Variants in PRR36 observed in about 807,000 individuals in gnomAD.
PRR36 encodes proline-rich protein 36.
A neutral mutation model predicts 58.6 loss-of-function variants in PRR36; 30 were observed. That is an observed-to-expected ratio of 0.51 (90% confidence interval 0.38 to 0.69). The LOEUF is 0.69. Among genes scored for constraint, PRR36 ranks in the 30% least tolerant of loss-of-function variants. The probability of loss-of-function intolerance (pLI) is 0.00; values close to 1 mark genes in which losing one functional copy is unlikely to be tolerated. For missense variants in PRR36, 1,692 were observed against 1,805.6 expected (o/e 0.94, Z 1.14); for synonymous variants, 771 against 829.3 (o/e 0.93, Z 1.21).
Position 7,873,533 on chromosome 19 carries a change from C to G in PRR36, c.157G>C (p.Val53Leu). ...ALRVLGAAGAVGRKPLAERAG... is the reference protein window; with the variant it reads ...ALRVLGAAGALGRKPLAERAG... ...CGCTCTGCCAGAGGCTTTCGCCCCACTGCTCCCGCAGCTCCCAGAACTCGG... is the reference window on the plus strand; with the variant it reads ...CGCTCTGCCAGAGGCTTTCGCCCCAGTGCTCCCGCAGCTCCCAGAACTCGG... Residue 53 changes from valine to leucine, a missense_variant, in exon 2 of 6, where the codon GTG (valine) becomes CTG (leucine). By Grantham distance (32) the Val-to-Leu change is conservative (BLOSUM62 1). Coordinates refer to ENST00000618550, the MANE Select transcript of PRR36 (RefSeq NM_001190467.2). The surrounding 1 kb of genome is among the most constrained non-coding windows in gnomAD (Gnocchi z 5.0). The G allele has an allele frequency of 6.5e-7, 1 of 1,535,458 alleles. No individual in the cohort carries two copies. Among genetic ancestry groups the G allele is most frequent in the South Asian group, 1.2e-5 (1 of 84,048 alleles).
In PRR36 at chr19:7,873,172, G is replaced by C; in HGVS notation, c.374+25C>G. On this transcript the variant is annotated intron_variant, in intron 3 of 5. Transcript: ENST00000618550. This position sits in a 1 kb window ranked among gnomAD's most constrained non-coding sequence, Gnocchi z 5.0. ...CTGTGACGCTAACCCTGGCTTAGGA[G>C]ACTGGGGGAGAGGGAGCAGGTTACC... 1.3e-6 allele frequency: 2 copies of C among 1,530,210 alleles called. No individual in the cohort carries two copies. Among genetic ancestry groups the C allele is most frequent in the East Asian group, 2.4e-5 (1 of 40,870 alleles). 94.8% of individuals were successfully genotyped at this position (1,530,210 alleles called of 1,614,324 possible). A position where few individuals can be genotyped will look rare whatever the true frequency, so the allele number is the denominator to read the frequency against.
In PRR36 at chr19:7,869,442, C is replaced by T. The variant is rs1221450246; in HGVS notation, c.3632G>A (p.Gly1211Asp). The change falls in exon 6 of 6, where the codon GGC becomes GAC. Residue 1211 changes from glycine (G) to aspartate (D), a missense_variant. Gly to Asp is a moderately conservative substitution (Grantham distance 94). Coordinates refer to ENST00000618550, the MANE Select transcript of PRR36 (RefSeq NM_001190467.2). ...EGPESATPAP[G>D]ALDPGPSPGT... ...GGGACTGGGCCCCGGATCCAGTGCG[C>T]CAGGGGCGGGGGTCGCCGACTCGGG... The T allele has an allele frequency of 1.3e-6, 2 of 1,501,866 alleles. No individual in the cohort carries two copies. The highest frequency in any genetic ancestry group is 1.5e-5 in the African/African-American group (1 of 68,888). The allele number at this position is 1,501,866 out of a possible 1,614,324, so 93.0% of individuals were successfully genotyped here. A position where few individuals can be genotyped will look rare whatever the true frequency, so the allele number is the denominator to read the frequency against.
Position 7,873,516 on chromosome 19 carries a change from C to T in PRR36, c.174G>A (p.Leu58=), listed in dbSNP as rs1197907247. 9.1e-6 allele frequency: 14 copies of T among 1,535,366 alleles called. No homozygotes were observed. Among genetic ancestry groups the T allele is most frequent in the Non-Finnish European group, 8.7e-6 (10 of 1,146,852 alleles). The part of the protein sequence containing the change: ...GAAGAVGRKP[L]AERAGGIGGA... ...CGCCGATGCCCCCCGCTCGCTCTGCCAGAGGCTTTCGCCCCACTGCTCCCG... is the reference window on the plus strand; with the variant it reads ...CGCCGATGCCCCCCGCTCGCTCTGCTAGAGGCTTTCGCCCCACTGCTCCCG... The change falls in exon 2 of 6, where the codon CTG becomes CTA. Residue 58 remains leucine (L), a synonymous_variant. Transcript: ENST00000618550. This position sits in a 1 kb window ranked among gnomAD's most constrained non-coding sequence, Gnocchi z 5.0.
Position 7,870,970 on chromosome 19 carries a change from CT to C in PRR36, c.2273del (p.Glu758GlyfsTer6). 4 of 1,022,128 alleles carry C rather than the reference CT, an allele frequency of 3.9e-6. No individual in the cohort carries two copies. Among genetic ancestry groups the C allele is most frequent in the East Asian group, 2.8e-5 (1 of 35,246 alleles). 63.3% of individuals were successfully genotyped at this position (1,022,128 alleles called of 1,614,324 possible). The stretch of plus-strand genomic sequence containing the variant: ...GAGGCGGGGCTAGAGAAGGTAGGTT[CT>C]CCAGAGGGGGTGTGGTCAGGGGAGC... ...ASAPLTTPPLENLPSLAPPPL... is the reference protein window; with the variant it reads ...ASAPLTTPPLXNLPSLAPPPL... On this transcript the variant is annotated frameshift_variant, in exon 5 of 6. Coordinates refer to ENST00000618550, the MANE Select transcript of PRR36 (RefSeq NM_001190467.2). LOFTEE classifies it high-confidence loss of function.
In PRR36 at chr19:7,871,223, G is replaced by GGA; in HGVS notation, c.2019_2020dup (p.Pro674LeufsTer7). The GGA allele has an allele frequency of 6.5e-7, 1 of 1,533,824 alleles. No homozygotes were observed. The highest frequency in any genetic ancestry group is 8.7e-7 in the Non-Finnish European group (1 of 1,146,226). ...GGGTGAGCTTAGGGGTGAGACAGCA[G>GGA]GAGAGAGAGAAGTCTGCAGAGGGGG... On this transcript the variant is annotated frameshift_variant, in exon 5 of 6. Coordinates refer to ENST00000618550, the MANE Select transcript of PRR36 (RefSeq NM_001190467.2). LOFTEE classifies it high-confidence loss of function.
chr19:7,869,405 A>C lies in PRR36; in HGVS notation c.3669T>G (p.Gly1223=). The C allele has an allele frequency of 6.8e-7, 1 of 1,480,962 alleles. No individual in the cohort carries two copies. Among genetic ancestry groups the C allele is most frequent in the African/African-American group, 1.5e-5 (1 of 68,124 alleles). 91.7% of individuals were successfully genotyped at this position (1,480,962 alleles called of 1,614,324 possible). The change falls in exon 6 of 6, where the codon GGT becomes GGG. Residue 1223 remains glycine, a synonymous_variant. Transcript: ENST00000618550. ...CCCCGGCCCCAGCCGCCGCCTTCCC[A>C]CCGCTCGTGCCGGGACTGGGCCCCG... ...LDPGPSPGTS[G]GKAAAGAGAG... is the part of the protein sequence containing the mutation.
In PRR36 at chr19:7,870,493, G is replaced by T; in HGVS notation, c.2751C>A (p.Ala917=). 8.8e-7 allele frequency: 1 copy of T among 1,140,312 alleles called. No homozygotes were observed. Among genetic ancestry groups the T allele is most frequent in the Non-Finnish European group, 1.1e-6 (1 of 909,918 alleles). 70.6% of individuals were successfully genotyped at this position (1,140,312 alleles called of 1,614,324 possible). A position where few individuals can be genotyped will look rare whatever the true frequency, so the allele number is the denominator to read the frequency against. Residue 917 remains alanine (A), a synonymous_variant, in exon 5 of 6, where the codon GCC becomes GCA. Coordinates refer to ENST00000618550, the MANE Select transcript of PRR36 (RefSeq NM_001190467.2). ...VSPSATPPSQ[A]PPSLAAPPLQ... is the part of the protein sequence containing the mutation. ...GAGGAGGTGCGGCTAGAGAGGGTGG[G>T]GCCTGTGAAGGGGGCGTGGCCGAAG...
At position 7,868,931 on chromosome 19, in the gene PRR36, G is replaced by A; in HGVS notation, c.*102C>T. 1.5e-6 allele frequency: 2 copies of A among 1,300,924 alleles called. No homozygotes were observed. Among genetic ancestry groups the A allele is most frequent in the East Asian group, 5.6e-5 (2 of 35,722 alleles). 80.6% of individuals were successfully genotyped at this position (1,300,924 alleles called of 1,614,324 possible). A position where few individuals can be genotyped will look rare whatever the true frequency, so the allele number is the denominator to read the frequency against. ...GGAGCTAAGACTAATCCACCCAGCG[G>A]GGCTCCAGGGCAGTGGAGGCGGGGT... is the stretch of plus-strand genomic sequence containing the variant. On this transcript the variant is annotated 3_prime_UTR_variant, in exon 6 of 6. Transcript: ENST00000618550.
At chr19:7,869,624 T>TCCGCCCCGGACCCAGCTGTC (rs1244482486) in intron 5 of PRR36, 80 bp from the exon 6 acceptor site, 1 of 1,462,130 alleles carries the variant, frequency 6.8e-7, no homozygotes, top group Non-Finnish European at 9.0e-7. Context: ...TTGTCTAAGC[T>TCCGCCCCGGACCCAGCTGTC]CCGCCCCGGA....
In PRR36 at chr19:7,870,574, A is replaced by AG. The variant is rs1433100646; in HGVS notation, c.2669dup (p.Pro891SerfsTer115). 1.7e-6 allele frequency: 1 copy of AG among 603,018 alleles called. No individual in the cohort carries two copies. Among genetic ancestry groups the AG allele is most frequent in the Non-Finnish European group, 1.9e-6 (1 of 517,896 alleles). 37.4% of individuals were successfully genotyped at this position (603,018 alleles called of 1,614,324 possible). ...AAGGGGCCTGCACTGGGGGTGAGGGAGGGGGAGAGAAAGGGGCCTGCAGAA... is the reference window on the plus strand; with the variant it reads ...AAGGGGCCTGCACTGGGGGTGAGGGAGGGGGGAGAGAAAGGGGCCTGCAGAA... On this transcript the variant is annotated frameshift_variant, in exon 5 of 6. Transcript: ENST00000618550. LOFTEE classifies it high-confidence loss of function.
chr19:7,871,615 CAG>C lies in PRR36; in HGVS notation c.1627_1628del (p.Leu543AlafsTer91). The C allele has an allele frequency of 6.5e-7, 1 of 1,535,900 alleles. No homozygotes were observed. Among genetic ancestry groups the C allele is most frequent in the East Asian group, 2.4e-5 (1 of 40,906 alleles). ...ASPSPLTTVSLQDPPLVSPSL... is the reference protein window; with the variant it reads ...ASPSPLTTVSXQDPPLVSPSL... Reference sequence around the variant, plus strand: ...AGGGAGAAACTAGAGGAGGATCCTGCAGAGAGACTGTGGTCAAAGGAGAGGGA... The same window carrying C: ...AGGGAGAAACTAGAGGAGGATCCTGCAGAGACTGTGGTCAAAGGAGAGGGA... On this transcript the variant is annotated frameshift_variant, in exon 5 of 6. Transcript: ENST00000618550. LOFTEE classifies it high-confidence loss of function.
At position 7,871,736 on chromosome 19, in the gene PRR36, G is replaced by T. The variant is rs899381509; in HGVS notation, c.1508C>A (p.Pro503Gln). 25 of 1,534,948 alleles carry T rather than the reference G, an allele frequency of 1.6e-5. 1 individual carries two copies. The South Asian group carries it at 1.8e-4, about 11-fold the overall frequency. Residue 503 changes from proline to glutamine, a missense_variant, in exon 5 of 6, where the codon CCG becomes CAG. Physicochemically the swap from Pro to Gln is moderately conservative, Grantham distance 76. Transcript: ENST00000618550. ...TTPPPQASPS[P>Q]SPPSLQATPH... is the part of the protein sequence containing the mutation. ...CGTGGCCTGGAGAGAGGGCGGAGAC[G>T]GGGAAGGACTGGCCTGCGGAGGGGG...
In PRR36 at chr19:7,870,030, G is replaced by A. The variant is rs527592816; in HGVS notation, c.3214C>T (p.Pro1072Ser). 4.1e-6 allele frequency: 6 copies of A among 1,446,828 alleles called. No homozygotes were observed. In the East Asian group the frequency reaches 8.3e-5, roughly 20 times the overall value. The allele number at this position is 1,446,828 out of a possible 1,614,324, so 89.6% of individuals were successfully genotyped here. Residue 1072 changes from proline to serine, a missense_variant, in exon 5 of 6, where the codon CCC becomes TCC. Pro to Ser is a moderately conservative substitution (Grantham distance 74, BLOSUM62 -1). This residue lies in a region of PRR36 where 485 missense variants were observed against 549.2 expected (regional missense o/e 0.88). Transcript: ENST00000618550. ...GGGCGGCGTGGGGCCTGCAGGGTGGGTGAGGCAGGGGGAGAGGGAGGGACC... is the reference window on the plus strand; with the variant it reads ...GGGCGGCGTGGGGCCTGCAGGGTGGATGAGGCAGGGGGAGAGGGAGGGACC... Reference protein sequence around the residue: ...LQVPPSPPASPTLQAPRRPPT... With the variant: ...LQVPPSPPASSTLQAPRRPPT...
chr19:7,869,791 G>A lies in PRR36; in HGVS notation c.3453C>T (p.Asp1151=). The A allele has an allele frequency of 7.4e-7, 1 of 1,356,602 alleles. No homozygotes were observed. The highest frequency in any genetic ancestry group is 1.5e-5 in the African/African-American group (1 of 65,064). The allele number at this position is 1,356,602 out of a possible 1,614,324, so 84.0% of individuals were successfully genotyped here. The change falls in exon 5 of 6, where the codon GAC becomes GAT. Residue 1151 remains aspartate (D), a synonymous_variant. Coordinates refer to ENST00000618550, the MANE Select transcript of PRR36 (RefSeq NM_001190467.2). ...CCGGGTGGCAAGCGGCGAGCTCTGC[G>A]TCGGGGGGCGGGGAGGCTGCGGCAC... The part of the protein sequence containing the change: ...EGGAAASPPP[D]AELAACHPAA...
rs1187109998 is a variant in PRR36, at chr19:7,872,862, A to G, written c.474T>C (p.Ala158=). ...CAGGTCACGTACCTCTCCGTGCCCC[A>G]GCGCTGAGGGCACTCCTTTTGGGAG... ...TEAPKRSALS[A]GARRDTSGPT... The change falls in exon 4 of 6, where the codon GCT becomes GCC. Residue 158 remains alanine (A), a synonymous_variant. Coordinates refer to ENST00000618550, the MANE Select transcript of PRR36 (RefSeq NM_001190467.2). The surrounding 1 kb of genome is among the most constrained non-coding windows in gnomAD (Gnocchi z 6.1). 3.9e-6 allele frequency: 6 copies of G among 1,535,866 alleles called. No individual in the cohort carries two copies. Among genetic ancestry groups the G allele is most frequent in the Non-Finnish European group, 5.2e-6 (6 of 1,146,730 alleles).
chr19:7,870,976 AGGGGGTGTGGTC>A lies in PRR36; in HGVS notation c.2256_2267del (p.Thr753_Pro756del). 2.0e-6 allele frequency: 2 copies of A among 1,016,260 alleles called. No individual in the cohort carries two copies. Among genetic ancestry groups the A allele is most frequent in the South Asian group, 2.2e-5 (1 of 45,090 alleles). 63.0% of individuals were successfully genotyped at this position (1,016,260 alleles called of 1,614,324 possible). A position where few individuals can be genotyped will look rare whatever the true frequency, so the allele number is the denominator to read the frequency against. On this transcript the variant is annotated inframe_deletion, in exon 5 of 6. Coordinates refer to ENST00000618550, the MANE Select transcript of PRR36 (RefSeq NM_001190467.2). ...GGGCTAGAGAAGGTAGGTTCTCCAG[AGGGGGTGTGGTC>A]AGGGGAGCAGAAGCTGTCTGCAGAG...
Position 7,872,591 on chromosome 19 carries a change from G to A in PRR36, c.653C>T (p.Thr218Ile). Residue 218 changes from threonine (T) to isoleucine (I), a missense_variant, in exon 5 of 6, where the codon ACC becomes ATC. Physicochemically the swap from Thr to Ile is moderately conservative, Grantham distance 89. Coordinates refer to ENST00000618550, the MANE Select transcript of PRR36 (RefSeq NM_001190467.2). This position sits in a 1 kb window ranked among gnomAD's most constrained non-coding sequence, Gnocchi z 6.1. ...SVSSASEHST[T>I]EPSPAARRRP... ...CCTCCTGGCAGCCGGGCTTGGCTCG[G>A]TGGTACTGTGCTCCGAGGCGCTGCT... The A allele has an allele frequency of 2.0e-6, 3 of 1,522,946 alleles. No individual in the cohort carries two copies. Among genetic ancestry groups the A allele is most frequent in the South Asian group, 2.4e-5 (2 of 82,536 alleles). The allele number at this position is 1,522,946 out of a possible 1,614,324, so 94.3% of individuals were successfully genotyped here.
At position 7,870,944 on chromosome 19, in the gene PRR36, G is replaced by A; in HGVS notation, c.2300C>T (p.Pro767Leu). The change falls in exon 5 of 6, where the codon CCT becomes CTT. Residue 767 changes from proline to leucine, a missense_variant. Around this residue, in one of 5 missense-constraint regions of PRR36, gnomAD observed 38 missense variants for 100.7 expected, o/e 0.38. Transcript: ENST00000618550. ...LENLPSLAPPPLQTASAPLTT... is the reference protein window; with the variant it reads ...LENLPSLAPPLLQTASAPLTT... Reference sequence around the variant, plus strand: ...CAGGGGAGCAGAAGCTGTCTGCAGAGGAGGCGGGGCTAGAGAAGGTAGGTT... The same window carrying A: ...CAGGGGAGCAGAAGCTGTCTGCAGAAGAGGCGGGGCTAGAGAAGGTAGGTT... The A allele has an allele frequency of 1.4e-6, 2 of 1,379,984 alleles. No homozygotes were observed. The highest frequency in any genetic ancestry group is 3.5e-5 in the South Asian group (2 of 56,940). 85.5% of individuals were successfully genotyped at this position (1,379,984 alleles called of 1,614,324 possible).
Position 7,873,606 on chromosome 19 carries a change from C to T in PRR36, c.84G>A (p.Arg28=). ...GAGGGGGTCGAGGAGAGCCTGGGGG[C>T]CTGGGGGTCAGAAGTCCAGGAGCGC... ...AARAPGLLTP[R]PPGSPRPPPP... is the part of the protein sequence containing the mutation. Residue 28 remains arginine (R), a synonymous_variant, in exon 2 of 6, where the codon AGG becomes AGA. Transcript: ENST00000618550. The surrounding 1 kb of genome is among the most constrained non-coding windows in gnomAD (Gnocchi z 5.0). The T allele has an allele frequency of 1.3e-6, 2 of 1,535,082 alleles. No homozygotes were observed. Among genetic ancestry groups the T allele is most frequent in the African/African-American group, 1.4e-5 (1 of 73,100 alleles).
Sources: allele counts gnomAD v4.1 joint callset, GRCh38; gene constraint gnomAD v4.1.1; regional missense constraint gnomAD v4.1.1; non-coding constraint Gnocchi (gnomAD v3.1); transcripts MANE v1.5; gene names NCBI Gene and HGNC (gene_info 2026-07-23, HGNC 2026-07-21).